B3GNT3: variants seen among roughly 807,000 people sequenced by gnomAD.
The protein encoded by B3GNT3 is UDP-GlcNAc:betaGal beta-1,3-N-acetylglucosaminyltransferase 3, also known as N-acetyllactosaminide beta-1,3-N-acetylglucosaminyltransferase 3.
Under a neutral mutation model 11.6 loss-of-function variants are expected in B3GNT3, and 7 were observed. That is an observed-to-expected ratio of 0.60 (90% CI 0.34 to 1.13). The LOEUF (loss-of-function observed/expected upper bound fraction) is 1.13. Among genes scored for constraint, B3GNT3 ranks in the 50% most tolerant of loss-of-function variants. The pLI is 0.03. For missense variants in B3GNT3, 400 were observed against 507.4 expected (o/e 0.79, Z 2.03); for synonymous variants, 201 against 222.1 (o/e 0.90, Z 0.85).
intron 1 of B3GNT3, among the ~76,000 whole-genome samples, chr19:17,804,907 C>G (rs1341808918): frequency 6.6e-6 from 1 of 151,656 alleles, no homozygotes; most frequent in Non-Finnish European, 1.5e-5. Context: ...CAGCAGCCAG[C>G]CTCTGTCTAG....
rs1482947410 is a variant in B3GNT3 at position 17,813,374 on chromosome 19, C to T, written c.*1252C>T. ...GGCTGAGGCGAGAGGATCGCTTGAG[C>T]CCAGGAGTTGGAGGCTGCAGTGAAC... On this transcript the variant is annotated 3_prime_UTR_variant, in exon 3 of 3. Transcript: ENST00000318683. 1.3e-5 allele frequency among the ~76,000 whole-genome samples: 2 copies of T among 152,012 alleles called. No homozygotes were observed. Among genetic ancestry groups the T allele is most frequent in the Non-Finnish European group, 2.9e-5 (2 of 68,006 alleles).
At chr19:17,804,262 CAG>C (rs2094170057) in intron 1 of B3GNT3, among the ~76,000 whole-genome samples, 1 of 89,642 alleles carries the variant, frequency 1.1e-5, no homozygotes, top group African/African-American at 4.4e-5. Context: ...TTTTTTGAGA[CAG>C]AGTCTTGTTC....
chr19:17,806,147 C>CTT (rs1251648713), intron 1 of B3GNT3, among the ~76,000 whole-genome samples: 6 of 141,340 alleles, frequency 4.2e-5, no homozygotes, highest in African/African-American at 1.0e-4. Flanking sequence ...TTTGTATTTT[C>CTT]TTTTTTTTTT....
chr19:17,797,184 C>A (rs2094160411), intron 1 of B3GNT3, among the ~76,000 whole-genome samples: 1 of 152,150 alleles, frequency 6.6e-6, no homozygotes, highest in Admixed American at 6.6e-5. Context: ...CAGATGGTGG[C>A]CAGGCTGCAC....
intron 1 of B3GNT3, among the ~76,000 whole-genome samples, chr19:17,801,353 C>T (rs139563447): frequency 2.1e-4 from 32 of 148,874 alleles, no homozygotes; most frequent in African/African-American, 7.9e-4. Context: ...CCACCATGCC[C>T]GGCTAATTTT....
chr19:17,812,037 G>T lies in B3GNT3; in HGVS notation c.1034G>T (p.Arg345Leu). The T allele has an allele frequency of 1.3e-6, 2 of 1,599,434 alleles. No individual in the cohort carries two copies. Among genetic ancestry groups the T allele is most frequent in the Non-Finnish European group, 1.7e-6 (2 of 1,179,910 alleles). ...TACCGAGACCTGCTGCTGGTGCACC[G>T]CTTCCTACCTTATGAGATGCTGCTC... is the stretch of plus-strand genomic sequence containing the variant. ...CFYRDLLLVH[R>L]FLPYEMLLMW... The change falls in exon 3 of 3, where the codon CGC becomes CTC. Residue 345 changes from arginine to leucine, a missense_variant. Physicochemically the swap from Arg to Leu is moderately radical, Grantham distance 102. Transcript: ENST00000318683.
intron 1 of B3GNT3, among the ~76,000 whole-genome samples, chr19:17,805,063 C>T (rs968916840): frequency 4.6e-5 from 7 of 150,762 alleles, no homozygotes; most frequent in African/African-American, 1.7e-4. Context: ...CTTAGTTGCC[C>T]TGCCCTGACT....
At chr19:17,804,235 T>C (rs1217035147) in intron 1 of B3GNT3, among the ~76,000 whole-genome samples, 2 of 143,170 alleles carry the variant, frequency 1.4e-5, no homozygotes, top group South Asian at 4.2e-4. Flanking sequence ...TTCTTTCTTT[T>C]TTTTCTTTTT....
Position 17,810,005 on chromosome 19 carries a change from T to C in B3GNT3, c.568-1566T>C, listed in dbSNP as rs149260042. Among the ~76,000 whole-genome samples the C allele has an allele frequency of 2.4e-4, 36 of 152,194 alleles. 1 individual carries two copies. In the East Asian group the frequency reaches 6.6e-3, roughly 28 times the overall value. ...TCACTGCAGTTTTCTCTGGAGAGCC[T>C]CTGTTCCCTCATCTGTAAATAAGAT... On this transcript the variant is annotated intron_variant, in intron 2 of 2. Coordinates refer to ENST00000318683, the MANE Select transcript of B3GNT3 (RefSeq NM_014256.4).
At chr19:17,798,074 A>G (rs994205640) in intron 1 of B3GNT3, among the ~76,000 whole-genome samples, 2 of 152,132 alleles carry the variant, frequency 1.3e-5, no homozygotes, top group African/African-American at 2.4e-5. Flanking sequence ...TGGAAGGCTC[A>G]GTGAGACTCC....
Position 17,799,311 on chromosome 19 carries a change from C to T in B3GNT3, c.-51+4105C>T, listed in dbSNP as rs182912049. Among the ~76,000 whole-genome samples the T allele has an allele frequency of 1.8e-3, 273 of 149,182 alleles. 2 individuals are homozygous for T. Among genetic ancestry groups the T allele is most frequent in the Middle Eastern group, 0.01 (3 of 294 alleles). The stretch of plus-strand genomic sequence containing the variant: ...TTTTTGAGATGGAGTCTCATTTACC[C>T]GGGCTGGAGTGCAGTGGCGCAATCT... On this transcript the variant is annotated intron_variant, in intron 1 of 2. Transcript: ENST00000318683.
At chr19:17,797,312 G>C (rs2094160551) in intron 1 of B3GNT3, among the ~76,000 whole-genome samples, 1 of 152,172 alleles carries the variant, frequency 6.6e-6, no homozygotes, top group Non-Finnish European at 1.5e-5. Context: ...CTAAGTACAA[G>C]ACTTGGAGAA....
At chr19:17,805,162 T>G (rs2147650423) in intron 1 of B3GNT3, among the ~76,000 whole-genome samples, 1 of 150,496 alleles carries the variant, frequency 6.6e-6, no homozygotes, top group Non-Finnish European at 1.5e-5. Flanking sequence ...TGGAGTGGTG[T>G]GATTATAGCT....
chr19:17,803,869 A>T (rs1259440785), intron 1 of B3GNT3, among the ~76,000 whole-genome samples: 4 of 121,832 alleles, frequency 3.3e-5, no homozygotes, highest in South Asian at 2.5e-4. Flanking sequence ...AAAAAAAAAA[A>T]AATTTTTAAT....
Position 17,807,834 on chromosome 19 carries a change from C to G in B3GNT3, c.27C>G (p.Pro9=). 6.2e-7 allele frequency: 1 copy of G among 1,612,256 alleles called. No homozygotes were observed. The highest frequency in any genetic ancestry group is 1.1e-5 in the South Asian group (1 of 91,026). The stretch of plus-strand genomic sequence containing the variant: ...TGAAGTATCTCCGGCACCGGCGGCC[C>G]AATGCCACCCTCATTCTGGCCATCG... MKYLRHRR[P]NATLILAIGA... The change falls in exon 2 of 3, where the codon CCC becomes CCG. Residue 9 remains proline, a synonymous_variant. Coordinates refer to ENST00000318683, the MANE Select transcript of B3GNT3 (RefSeq NM_014256.4).
At position 17,811,656 on chromosome 19, in the gene B3GNT3, A is replaced by G; in HGVS notation, c.653A>G (p.Asp218Gly). ...NGDDDVFAHT[D>G]NMVFYLQDHD... ...GATGATGACGTCTTTGCACACACAG[A>G]CAACATGGTCTTCTACCTGCAGGAC... Residue 218 changes from aspartate to glycine, a missense_variant, in exon 3 of 3, where the codon GAC becomes GGC. Transcript: ENST00000318683. This position sits in a 1 kb window ranked among gnomAD's most constrained non-coding sequence, Gnocchi z 4.1. 3.1e-6 allele frequency: 5 copies of G among 1,614,204 alleles called. No individual in the cohort carries two copies. The highest frequency in any genetic ancestry group is 4.2e-6 in the Non-Finnish European group (5 of 1,180,032).
At chr19:17,807,111 A>AGTGTGTGTGTGTGTGTGT (rs56140662) in intron 1 of B3GNT3, among the ~76,000 whole-genome samples, 10,536 of 116,054 alleles carry the variant, frequency 0.091, 790 homozygotes, top group Middle Eastern at 0.17. Flanking sequence ...CAGTGGCCCC[A>AGTGTGTGTGTGTGTGTGT]GTGTGTGTGT....
At chr19:17,806,343 G>C (rs1356746735) in intron 1 of B3GNT3, among the ~76,000 whole-genome samples, 2 of 151,900 alleles carry the variant, frequency 1.3e-5, no homozygotes, top group African/African-American at 4.8e-5. Context: ...TCTACTTATT[G>C]TTATATTGAG....
At chr19:17,795,989 A>C (rs2094159106) in intron 1 of B3GNT3, among the ~76,000 whole-genome samples, 1 of 152,158 alleles carries the variant, frequency 6.6e-6, no homozygotes, top group South Asian at 2.1e-4. Flanking sequence ...AGCTGTCATC[A>C]TAATTATATT....
Sources: gnomAD v4.1 joint callset for allele counts (sites outside exome capture counted in the v4.1 genomes callset) on GRCh38, gnomAD v4.1.1 for gene constraint, Gnocchi (gnomAD v3.1) non-coding constraint, MANE v1.5 for transcripts, NCBI Gene and HGNC (gene_info 2026-07-23, HGNC 2026-07-21) for gene names.